The following KCNK10 variants were observed in gnomAD, a reference collection of about 807,000 sequenced individuals.
KCNK10 encodes the protein potassium two pore domain channel subfamily K member 10.
Under a neutral mutation model 47.7 loss-of-function variants are expected in KCNK10, and 25 were observed. The ratio of observed to expected loss-of-function variants is 0.52; its 90% CI spans 0.38 to 0.73. The LOEUF is 0.73. Ranked by LOEUF, KCNK10 falls within the 30% of genes least tolerant of loss-of-function variation. The pLI, the probability that KCNK10 is intolerant of heterozygous loss-of-function variation, is 0.00. For missense variants in KCNK10, 563 were observed against 714.5 expected, an observed-to-expected ratio of 0.79 and a Z score of 2.42; for synonymous variants, 303 against 285.6, an observed-to-expected ratio of 1.06 and a Z score of -0.61.
At chr14:88,240,905 A>T in intron 2 of KCNK10, 85 bp from the exon 3 acceptor site, 1 of 808,106 alleles carries the variant, frequency 1.2e-6, no homozygotes. Context: ...GTTCCAATAC[A>T]TTATTCCCCT....
intron 1 of KCNK10, among the ~76,000 whole-genome samples, chr14:88,267,246 T>C (rs1887285081): frequency 1.3e-5 from 2 of 152,234 alleles, no homozygotes; most frequent in African/African-American, 4.8e-5. Flanking sequence ...CTCAGAATGT[T>C]ACAAAACCTT....
intron 2 of KCNK10, among the ~76,000 whole-genome samples, 166 bp from the exon 3 acceptor site, chr14:88,240,986 T>A (rs1226564470): frequency 6.6e-6 from 1 of 151,944 alleles, no homozygotes; most frequent in East Asian, 1.9e-4. Flanking sequence ...AGCAAAATAC[T>A]ATGCACCCAG....
At chr14:88,198,185 G>T (rs1184022599) in intron 4 of KCNK10, among the ~76,000 whole-genome samples, 1 of 152,198 alleles carries the variant, frequency 6.6e-6, no homozygotes, top group African/African-American at 2.4e-5. Context: ...CAGAAGGTAG[G>T]TCTCAGAGGC....
At chr14:88,320,183 AT>A (rs1888516732) in intron 1 of KCNK10, among the ~76,000 whole-genome samples, 1 of 152,246 alleles carries the variant, frequency 6.6e-6, no homozygotes, top group African/African-American at 2.4e-5. Flanking sequence ...TCAGATAAGT[AT>A]TGTGAAAATA....
At chr14:88,244,144 G>A (rs1358398440) in intron 2 of KCNK10, among the ~76,000 whole-genome samples, 2 of 152,004 alleles carry the variant, frequency 1.3e-5, no homozygotes, top group Admixed American at 1.3e-4. Context: ...TTTTCTATCT[G>A]GATCTTATGA....
chr14:88,278,735 CT>C (rs1887582669), intron 1 of KCNK10, among the ~76,000 whole-genome samples: 1 of 152,190 alleles, frequency 6.6e-6, no homozygotes, highest in Non-Finnish European at 1.5e-5. Flanking sequence ...TACTTAATTG[CT>C]TGGAAATTGC....
chr14:88,200,487 G>A (rs534494773), intron 4 of KCNK10, among the ~76,000 whole-genome samples: 1 of 152,272 alleles, frequency 6.6e-6, no homozygotes, highest in South Asian at 2.1e-4. Context: ...AAAAGAAAAT[G>A]GAGAGAAGGG....
chr14:88,264,773 C>T (rs1784796), intron 1 of KCNK10, among the ~76,000 whole-genome samples: 97,596 of 152,092 alleles, frequency 0.64, 31,478 homozygotes, highest in African/African-American at 0.69. Context: ...CGCAAAATTG[C>T]CTGGAATCTT....
intron 1 of KCNK10, among the ~76,000 whole-genome samples, chr14:88,295,619 C>T (rs968702542): frequency 6.6e-6 from 1 of 152,066 alleles, no homozygotes; most frequent in Non-Finnish European, 1.5e-5. Context: ...GGGATCGTGC[C>T]ATTGTACTCC....
chr14:88,252,346 C>T (rs1245658443), intron 2 of KCNK10, among the ~76,000 whole-genome samples: 1 of 152,208 alleles, frequency 6.6e-6, no homozygotes, highest in Non-Finnish European at 1.5e-5. Context: ...TTCACCATTA[C>T]ATCCCAGCAT....
At chr14:88,235,323 A>T (rs1284370760) in intron 3 of KCNK10, 2 of 436,110 alleles carry the variant, frequency 4.6e-6, no homozygotes, top group East Asian at 7.1e-5. Context: ...CATAAATATA[A>T]AACTTCCATA....
At chr14:88,324,297 G>T (rs925784205), upstream of KCNK10, among the ~76,000 whole-genome samples, 11 of 152,216 alleles carry the variant, frequency 7.2e-5, no homozygotes, top group African/African-American at 2.7e-4. Context: ...CTTCAGAAAA[G>T]CCAGGTGGTG....
chr14:88,262,672 G>C (rs558967277), intron 2 of KCNK10, among the ~76,000 whole-genome samples: 1 of 152,230 alleles, frequency 6.6e-6, no homozygotes, highest in South Asian at 2.1e-4. Flanking sequence ...CAGCAAACCT[G>C]ATGATTACTA....
intron 4 of KCNK10, among the ~76,000 whole-genome samples, chr14:88,217,474 C>A (rs1269647064): frequency 6.6e-6 from 1 of 152,166 alleles, no homozygotes; most frequent in East Asian, 1.9e-4. Context: ...TGTAGCTGAA[C>A]CTACAATGCT....
At chr14:88,242,084 G>A (rs1886494480) in intron 2 of KCNK10, among the ~76,000 whole-genome samples, 1 of 152,164 alleles carries the variant, frequency 6.6e-6, no homozygotes, top group Admixed American at 6.5e-5. Context: ...CTGTTCCTTG[G>A]GCAAACCTGG....
At chr14:88,191,676 C>A (rs2139826877) in intron 5 of KCNK10, among the ~76,000 whole-genome samples, 1 of 152,284 alleles carries the variant, frequency 6.6e-6, no homozygotes. Context: ...TGTATATACA[C>A]TCCTGCATAA....
intron 1 of KCNK10, among the ~76,000 whole-genome samples, chr14:88,299,959 T>C (rs1476529381): frequency 6.6e-6 from 1 of 152,190 alleles, no homozygotes; most frequent in Non-Finnish European, 1.5e-5. Flanking sequence ...GGCCTGAATC[T>C]GGTTTTGCTC....
rs61977022 is a variant in KCNK10, at chr14:88,322,163, G to C, written c.52+584C>G. Among the ~76,000 whole-genome samples the C allele has an allele frequency of 0.29, 44,458 of 151,764 alleles. 7,489 individuals carry two copies. The highest frequency in any genetic ancestry group is 0.38 in the East Asian group (1,948 of 5,120). ...CCTCCTCCTGCTTCTACTCTGACCT[G>C]AGCCTAACTAGCTGCTAGGTTTGGT... is the stretch of plus-strand genomic sequence containing the variant. On this transcript the variant is annotated intron_variant, in intron 1 of 6. Coordinates refer to ENST00000319231, the MANE Select transcript of KCNK10 (RefSeq NM_138317.3). This position sits in a 1 kb window ranked among gnomAD's most constrained non-coding sequence, Gnocchi z 4.8.
At chr14:88,187,014 A>G (rs1327761911) in intron 6 of KCNK10, among the ~76,000 whole-genome samples, 1 of 152,250 alleles carries the variant, frequency 6.6e-6, no homozygotes, top group African/African-American at 2.4e-5. Context: ...TGCATCCAGG[A>G]AAGTCAATAT....
Sources: gnomAD v4.1 joint callset for allele counts (sites outside exome capture counted in the v4.1 genomes callset) on GRCh38, gnomAD v4.1.1 for gene constraint, Gnocchi (gnomAD v3.1) non-coding constraint, MANE v1.5 for transcripts, NCBI Gene and HGNC (gene_info 2026-07-23, HGNC 2026-07-21) for gene names.